ASXL3: variants seen among roughly 807,000 people sequenced by gnomAD.
The protein encoded by ASXL3 is putative Polycomb group protein ASXL3.
In ASXL3, 34 loss-of-function variants were observed where a neutral mutation model predicts 170.6. The observed-to-expected ratio is 0.20, with a 90% CI of 0.15 to 0.27. The LOEUF is 0.27. Ranked by LOEUF, ASXL3 falls within the 10% of genes least tolerant of loss-of-function variation. The pLI is 1.00. For missense variants in ASXL3, 2,592 were observed against 2,695.3 expected (o/e 0.96, Z 0.85); for synonymous variants, 1,002 against 989.1 (o/e 1.01, Z -0.24).
intron 1 of ASXL3, among the ~76,000 whole-genome samples, chr18:33,604,444 A>G (rs1226792552): frequency 6.7e-6 from 1 of 150,124 alleles, no homozygotes; most frequent in Non-Finnish European, 1.5e-5. Context: ...TCTCAATTTC[A>G]TCTGGAAAAA....
intron 8 of ASXL3, among the ~76,000 whole-genome samples, chr18:33,691,390 C>T (rs1304755892): frequency 6.6e-6 from 1 of 152,200 alleles, no homozygotes; most frequent in Non-Finnish European, 1.5e-5. Context: ...TCACTTTACT[C>T]TCCTCAAATG....
Position 33,601,785 on chromosome 18 carries a change from G to GTTTATA in ASXL3, c.55-5808_55-5807insTTATAT, listed in dbSNP as rs376654969. Reference sequence around the variant, plus strand: ...TGAGAATTTAAGTAAATATCTGATTGTATATATATAGTTTGTTTGTTTTGA... The same window carrying GTTTATA: ...TGAGAATTTAAGTAAATATCTGATTGTTTATATATATATATAGTTTGTTTGTTTTGA... On this transcript the variant is annotated intron_variant, in intron 1 of 11. Coordinates refer to ENST00000269197, the MANE Select transcript of ASXL3 (RefSeq NM_030632.3). Among the ~76,000 whole-genome samples, 23 of 103,950 alleles carry GTTTATA rather than the reference G, an allele frequency of 2.2e-4. 2 individuals are homozygous for GTTTATA. Among genetic ancestry groups the GTTTATA allele is most frequent in the African/African-American group, 7.6e-4 (22 of 28,856 alleles). The allele number at this position is 103,950 out of a possible 152,430, so 68.2% of individuals were successfully genotyped here. A position where few individuals can be genotyped will look rare whatever the true frequency, so the allele number is the denominator to read the frequency against.
At chr18:33,681,709 C>T (rs2066518755) in intron 7 of ASXL3, among the ~76,000 whole-genome samples, 1 of 151,558 alleles carries the variant, frequency 6.6e-6, no homozygotes, top group African/African-American at 2.4e-5. Flanking sequence ...ATCATTATTT[C>T]AGTTCTGAAA....
chr18:33,637,291 A>G (rs1032049534), intron 2 of ASXL3, among the ~76,000 whole-genome samples: 17 of 152,172 alleles, frequency 1.1e-4, no homozygotes, highest in African/African-American at 4.1e-4. Flanking sequence ...GCTAAATGTT[A>G]TGGTGGAGAG....
chr18:33,633,746 G>A (rs1264951186), intron 2 of ASXL3, among the ~76,000 whole-genome samples: 1 of 151,086 alleles, frequency 6.6e-6, no homozygotes, highest in East Asian at 2.0e-4. Context: ...TCGGGAGGCT[G>A]AGGCAGGGGA....
intron 6 of ASXL3, among the ~76,000 whole-genome samples, 176 bp from the exon 7 acceptor site, chr18:33,671,571 G>A (rs2066342086): frequency 6.6e-6 from 1 of 152,132 alleles, no homozygotes; most frequent in African/African-American, 2.4e-5. Context: ...TGTTCTGTTT[G>A]ATTGATTTAT....
intron 2 of ASXL3, among the ~76,000 whole-genome samples, chr18:33,641,634 T>A (rs1345530083): frequency 1.3e-5 from 2 of 152,128 alleles, no homozygotes; most frequent in Admixed American, 6.6e-5. Context: ...CCCAGTTTTT[T>A]CTTCCCAGCC....
intron 8 of ASXL3, among the ~76,000 whole-genome samples, chr18:33,731,729 G>A (rs1253381871): frequency 6.6e-6 from 1 of 152,046 alleles, no homozygotes; most frequent in Non-Finnish European, 1.5e-5. Flanking sequence ...TAAACTCCTA[G>A]TATTCATCCC....
At chr18:33,697,086 C>T (rs1274102381) in intron 8 of ASXL3, among the ~76,000 whole-genome samples, 1 of 151,962 alleles carries the variant, frequency 6.6e-6, no homozygotes, top group Non-Finnish European at 1.5e-5. Flanking sequence ...AAGGAAAGGA[C>T]AGAAATCAAT....
chr18:33,660,671 G>A (rs930243277), intron 4 of ASXL3, among the ~76,000 whole-genome samples: 5 of 151,978 alleles, frequency 3.3e-5, no homozygotes, highest in Non-Finnish European at 5.9e-5. Flanking sequence ...CCATTCTGTC[G>A]CTAATCATAG....
chr18:33,663,662 A>G (rs922185384), intron 5 of ASXL3, among the ~76,000 whole-genome samples: 2 of 152,160 alleles, frequency 1.3e-5, no homozygotes, highest in Non-Finnish European at 2.9e-5. Context: ...GCAAATAAGT[A>G]ACCAGGAGAA....
At chr18:33,629,159 A>G (rs998960310) in intron 2 of ASXL3, among the ~76,000 whole-genome samples, 1 of 152,122 alleles carries the variant, frequency 6.6e-6, no homozygotes, top group African/African-American at 2.4e-5. Context: ...TCAATGCTAT[A>G]TTTTATCTAC....
In ASXL3 at chr18:33,591,850, C is replaced by T. The variant is rs185626577; in HGVS notation, c.54+13165C>T. Among the ~76,000 whole-genome samples the T allele has an allele frequency of 4.0e-3, 603 of 151,952 alleles. 5 individuals carry two copies. The highest frequency in any genetic ancestry group is 0.014 in the African/African-American group (567 of 41,470). On this transcript the variant is annotated intron_variant, in intron 1 of 11. Transcript: ENST00000269197. ...TAGAGATGGGGTTTCACCATGTTAG[C>T]CAGGATGGTCTCGATCTCCTGACCT...
At chr18:33,617,274 T>C (rs62092360) in intron 2 of ASXL3, among the ~76,000 whole-genome samples, 13,723 of 152,078 alleles carry the variant, frequency 0.09, 704 homozygotes, top group African/African-American at 0.12. Context: ...GGCGTATTGC[T>C]TAAGGTCAGG....
At chr18:33,677,889 T>G (rs774434983) in intron 7 of ASXL3, among the ~76,000 whole-genome samples, 21 of 152,122 alleles carry the variant, frequency 1.4e-4, no homozygotes, top group Non-Finnish European at 3.1e-4. Flanking sequence ...TGAGCGCCAT[T>G]TAATTTAATT....
At chr18:33,658,373 A>G (rs548443534) in intron 4 of ASXL3, among the ~76,000 whole-genome samples, 1 of 152,272 alleles carries the variant, frequency 6.6e-6, no homozygotes, top group South Asian at 2.1e-4. Context: ...ACGAACCTGC[A>G]CAGCCAACTG....
At chr18:33,732,108 C>A in intron 9 of ASXL3, 44 bp downstream of exon 9, 1 of 1,462,984 alleles carries the variant, frequency 6.8e-7, no homozygotes, top group Non-Finnish European at 9.5e-7. Context: ...TTGGAGTACA[C>A]ATACCGTACT....
At chr18:33,677,524 A>C (rs2066447839) in intron 7 of ASXL3, among the ~76,000 whole-genome samples, 1 of 152,222 alleles carries the variant, frequency 6.6e-6, no homozygotes, top group South Asian at 2.1e-4. Flanking sequence ...AAATATAAGA[A>C]ACTGAAATAA....
intron 8 of ASXL3, among the ~76,000 whole-genome samples, chr18:33,721,722 T>G (rs1332551819): frequency 1.3e-5 from 2 of 152,100 alleles, no homozygotes; most frequent in Non-Finnish European, 2.9e-5. Flanking sequence ...TAAAACTTAT[T>G]TGGAGGAAGG....
Sources: allele counts gnomAD v4.1 joint callset (sites outside exome capture counted in the v4.1 genomes callset), GRCh38; gene constraint gnomAD v4.1.1; transcripts MANE v1.5; gene names NCBI Gene and HGNC (gene_info 2026-07-23, HGNC 2026-07-21).